RORA: variants seen among roughly 807,000 people sequenced by gnomAD.
RORA encodes the protein nuclear receptor ROR-alpha.
RORA carries 7 observed loss-of-function variants against 69.5 expected under a neutral mutation model. That is an observed-to-expected ratio of 0.10 (90% CI 0.06 to 0.19). RORA has a LOEUF of 0.19. RORA is among the 10% of genes least tolerant of loss of function. RORA has a pLI of 1.00. For missense variants in RORA, 457 were observed against 663.0 expected, an observed-to-expected ratio of 0.69 and a Z score of 3.41; for synonymous variants, 261 against 240.8, an observed-to-expected ratio of 1.08 and a Z score of -0.78.
At chr15:61,114,176 T>C (rs917803383) in intron 1 of RORA, among the ~76,000 whole-genome samples, 11 of 152,168 alleles carry the variant, frequency 7.2e-5, no homozygotes, top group Non-Finnish European at 1.2e-4. Context: ...GACTTTTTTT[T>C]TAAACACCAG....
intron 1 of RORA, among the ~76,000 whole-genome samples, chr15:60,751,712 G>A (rs1158884962): frequency 3.3e-5 from 5 of 152,074 alleles, no homozygotes; most frequent in Non-Finnish European, 5.9e-5. Flanking sequence ...GCATCCTCTC[G>A]GCACCAGGTT....
At chr15:60,998,696 C>T (rs1595869353) in intron 1 of RORA, among the ~76,000 whole-genome samples, 1 of 141,066 alleles carries the variant, frequency 7.1e-6, no homozygotes, top group Non-Finnish European at 1.6e-5. Flanking sequence ...ACCGCACCCA[C>T]CCCACCATGT....
chr15:60,675,123 C>T (rs950502070), intron 2 of RORA, among the ~76,000 whole-genome samples: 2 of 152,266 alleles, frequency 1.3e-5, no homozygotes, highest in East Asian at 1.9e-4. Context: ...CCTCTTGTAA[C>T]GTTGTAGCAA....
chr15:60,596,807 A>T (rs1247630610), intron 2 of RORA, among the ~76,000 whole-genome samples: 2 of 152,194 alleles, frequency 1.3e-5, no homozygotes, highest in African/African-American at 4.8e-5. Flanking sequence ...GTATGTATAC[A>T]TATGCATAGT....
chr15:60,835,022 G>A (rs568403775), intron 1 of RORA, among the ~76,000 whole-genome samples: 1 of 152,256 alleles, frequency 6.6e-6, no homozygotes, highest in South Asian at 2.1e-4. Flanking sequence ...AGCTTTAAAG[G>A]GATTGGAGGT....
chr15:60,786,838 G>A (rs559143153), intron 1 of RORA, among the ~76,000 whole-genome samples: 1 of 152,350 alleles, frequency 6.6e-6, no homozygotes, highest in African/African-American at 2.4e-5. Context: ...ACAGCTGTGC[G>A]AGTGCAGGTA....
intron 1 of RORA, among the ~76,000 whole-genome samples, chr15:60,741,618 C>T (rs2071576535): frequency 1.3e-5 from 2 of 152,168 alleles, no homozygotes; most frequent in South Asian, 4.1e-4. Flanking sequence ...TACACCTGGG[C>T]CATTAGTAAA....
intron 3 of RORA, among the ~76,000 whole-genome samples, chr15:60,518,231 T>A (rs1226174576): frequency 6.6e-6 from 1 of 152,226 alleles, no homozygotes; most frequent in Non-Finnish European, 1.5e-5. Context: ...AATGGTTGGG[T>A]CATTAATGAA....
At chr15:61,193,916 C>A (rs934503035) in intron 1 of RORA, 2 of 152,260 alleles carry the variant, frequency 1.3e-5, no homozygotes, top group East Asian at 3.9e-4. Flanking sequence ...TTGCTCTTAA[C>A]GCGGCCCCTT....
At chr15:61,146,484 GCA>G (rs3053966) in intron 1 of RORA, among the ~76,000 whole-genome samples, 2,501 of 142,316 alleles carry the variant, frequency 0.018, 50 homozygotes, top group African/African-American at 0.061. Context: ...ACACACACAC[GCA>G]CACACAGCAA....
At chr15:61,035,841 C>T (rs968270161) in intron 1 of RORA, among the ~76,000 whole-genome samples, 4 of 152,046 alleles carry the variant, frequency 2.6e-5, no homozygotes, top group Non-Finnish European at 5.9e-5. Context: ...GAGGATACAG[C>T]GAAAAATCTA....
At chr15:61,121,643 G>A (rs1286965603) in intron 1 of RORA, among the ~76,000 whole-genome samples, 3 of 152,056 alleles carry the variant, frequency 2.0e-5, no homozygotes, top group Admixed American at 1.3e-4. Context: ...AAGACTCTGG[G>A]CATCGCTGGA....
chr15:60,810,074 T>C (rs545215429), intron 1 of RORA, among the ~76,000 whole-genome samples: 1 of 152,134 alleles, frequency 6.6e-6, no homozygotes. Context: ...GCTTCCTTGT[T>C]TTTTAGAGCC....
intron 1 of RORA, among the ~76,000 whole-genome samples, chr15:61,004,711 G>A (rs778017847): frequency 1.3e-5 from 2 of 152,242 alleles, no homozygotes; most frequent in East Asian, 1.9e-4. Context: ...ACATGGGTCC[G>A]GGAGTAAATA....
At chr15:61,222,875 A>G (rs2080111210) in intron 1 of RORA, among the ~76,000 whole-genome samples, 1 of 152,218 alleles carries the variant, frequency 6.6e-6, no homozygotes, top group African/African-American at 2.4e-5. Flanking sequence ...TAAGAGCCTC[A>G]TGCCAAAGAT....
intron 1 of RORA, among the ~76,000 whole-genome samples, chr15:60,998,549 C>T (rs1398346696): frequency 6.6e-6 from 1 of 152,082 alleles, no homozygotes; most frequent in Non-Finnish European, 1.5e-5. Flanking sequence ...AGTCACATGC[C>T]ACCACGCCCA....
At chr15:60,820,722 G>A (rs887549406) in intron 1 of RORA, among the ~76,000 whole-genome samples, 2 of 152,124 alleles carry the variant, frequency 1.3e-5, no homozygotes, top group Non-Finnish European at 2.9e-5. Flanking sequence ...CCGTAAAAAC[G>A]GCAGATCTGG....
intron 1 of RORA, among the ~76,000 whole-genome samples, chr15:60,947,186 G>A (rs1452277089): frequency 6.6e-6 from 1 of 152,238 alleles, no homozygotes; most frequent in Non-Finnish European, 1.5e-5. Flanking sequence ...ACCCCGTCTG[G>A]GAGGTGTACC....
intron 1 of RORA, among the ~76,000 whole-genome samples, chr15:60,773,826 C>T (rs1339025028): frequency 6.6e-6 from 1 of 152,202 alleles, no homozygotes; most frequent in African/African-American, 2.4e-5. Flanking sequence ...GCAGACTTGA[C>T]ACTACCCTAC....
Sources: allele counts gnomAD v4.1 joint callset (sites outside exome capture counted in the v4.1 genomes callset), GRCh38; gene constraint gnomAD v4.1.1; transcripts MANE v1.5; gene names NCBI Gene and HGNC (gene_info 2026-07-23, HGNC 2026-07-21).